Variants in BRAP observed in about 807,000 individuals in gnomAD.
BRAP encodes BRCA1 associated protein.
BRAP carries 42 observed loss-of-function variants against 73.4 expected under a neutral mutation model. The ratio of observed to expected loss-of-function variants is 0.57; its 90% CI spans 0.45 to 0.74. The LOEUF (loss-of-function observed/expected upper bound fraction) is 0.74. BRAP is among the 30% of genes least tolerant of loss of function. The pLI is 0.00. For synonymous variants in BRAP, 255 were observed against 267.4 expected (o/e 0.95, Z 0.45); for missense variants, 593 against 751.4 (o/e 0.79, Z 2.46).
intron 6 of BRAP, among the ~76,000 whole-genome samples, chr12:111,663,443 A>T (rs1324329260): frequency 1.3e-5 from 2 of 152,120 alleles, no homozygotes; most frequent in African/African-American, 2.4e-5. Flanking sequence ...ACAGAGTGAG[A>T]CTCCATCTCA....
chr12:111,675,123 T>C (rs1488420615), intron 4 of BRAP, among the ~76,000 whole-genome samples: 4 of 151,852 alleles, frequency 2.6e-5, no homozygotes, highest in Non-Finnish European at 5.9e-5. Flanking sequence ...TAGCCGGGCA[T>C]GGGGGTGGAA....
intron 3 of BRAP, among the ~76,000 whole-genome samples, chr12:111,679,601 C>G (rs1243203937): frequency 6.6e-6 from 1 of 151,852 alleles, no homozygotes; most frequent in African/African-American, 2.4e-5. Flanking sequence ...GGTGGCCAGG[C>G]ACAGTAGCTC....
At chr12:111,663,717 C>A (rs1053807162) in intron 6 of BRAP, among the ~76,000 whole-genome samples, 2 of 152,172 alleles carry the variant, frequency 1.3e-5, no homozygotes, top group Admixed American at 6.6e-5. Flanking sequence ...TTAGACCAAA[C>A]CACCCCAAAG....
At chr12:111,677,209 G>C (rs567704541) in intron 4 of BRAP, among the ~76,000 whole-genome samples, 1 of 152,174 alleles carries the variant, frequency 6.6e-6, no homozygotes, top group Admixed American at 6.5e-5. Flanking sequence ...GGATTTATAC[G>C]ACTTCAGACT....
intron 5 of BRAP, among the ~76,000 whole-genome samples, chr12:111,666,873 G>T (rs2135914956): frequency 6.6e-6 from 1 of 152,300 alleles, no homozygotes; most frequent in African/African-American, 2.4e-5. Context: ...CTCTAAAACT[G>T]AGGCCTCGTG....
intron 10 of BRAP, among the ~76,000 whole-genome samples, chr12:111,653,103 G>A (rs1886389645): frequency 6.6e-6 from 1 of 152,158 alleles, no homozygotes; most frequent in Non-Finnish European, 1.5e-5. Flanking sequence ...TGAGGTGGGA[G>A]GATCGCTTGA....
At position 111,667,622 on chromosome 12, in the gene BRAP, C is replaced by G. The variant is rs1320771763; in HGVS notation, c.748-1835G>C. Among the ~76,000 whole-genome samples the G allele has an allele frequency of 2.8e-5, 4 of 143,232 alleles. No individual in the cohort carries two copies. The East Asian group carries it at 9.3e-4, about 33-fold the overall frequency. The allele number at this position is 143,232 out of a possible 152,430, so 94.0% of individuals were successfully genotyped here. On this transcript the variant is annotated intron_variant, in intron 5 of 11. Transcript: ENST00000419234. ...GGATGAGGCAGAGAATTTCTTGAAC[C>G]CAGGAGGTAGAGGATGCAGTGAGCT...
chr12:111,647,099 G>A (rs543659136), intron 11 of BRAP, among the ~76,000 whole-genome samples: 33 of 152,192 alleles, frequency 2.2e-4, no homozygotes, highest in Admixed American at 7.9e-4. Flanking sequence ...GCAAGACCCC[G>A]TCTCTACAAA....
Position 111,664,730 on chromosome 12 carries a change from G to A in BRAP, c.896+909C>T, listed in dbSNP as rs138350036. ...CCGGCCACCAGGCCACTTGTGGGTG[G>A]ACAGAGATTCCTGTAGACTTTCACC... On this transcript the variant is annotated intron_variant, in intron 6 of 11. Coordinates refer to ENST00000419234, the MANE Select transcript of BRAP (RefSeq NM_006768.5). 5.0e-3 allele frequency among the ~76,000 whole-genome samples: 754 copies of A among 152,322 alleles called. 5 individuals are homozygous for A. The highest frequency in any genetic ancestry group is 0.015 in the South Asian group (73 of 4,826).
In BRAP at chr12:111,665,775, G is replaced by A; in HGVS notation, c.760C>T (p.Pro254Ser). 1 of 1,614,182 alleles carries A rather than the reference G, an allele frequency of 6.2e-7. No homozygotes were observed. Among genetic ancestry groups the A allele is most frequent in the Non-Finnish European group, 8.5e-7 (1 of 1,180,030 alleles). ...GGGAGTTCAGTCAGGTCCATCACTG[G>A]GAGGCTGGCGCCCTACAGGAAACAC... ...VLKSEDGASL[P>S]VMDLTELPKC... The change falls in exon 6 of 12, where the codon CCA (proline) becomes TCA (serine). Residue 254 changes from proline to serine, a missense_variant. By Grantham distance (74) the Pro-to-Ser change is moderately conservative. Transcript: ENST00000419234. This position sits in a 1 kb window ranked among gnomAD's most constrained non-coding sequence, Gnocchi z 4.3.
chr12:111,643,947 G>C lies in BRAP; in HGVS notation c.*252C>G. On this transcript the variant is annotated 3_prime_UTR_variant, in exon 12 of 12. Coordinates refer to ENST00000419234, the MANE Select transcript of BRAP (RefSeq NM_006768.5). ...GTTGGGGCTTCTACCAAGCAGGAAG[G>C]CAAAATGGTCATTAGAATGTGAGGT... 1 of 493,860 alleles carries C rather than the reference G, an allele frequency of 2.0e-6. No homozygotes were observed. The allele number at this position is 493,860 out of a possible 1,614,324, so 30.6% of individuals were successfully genotyped here.
chr12:111,644,176 AG>A lies in BRAP; in HGVS notation c.*22del. 1 of 1,598,168 alleles carries A rather than the reference AG, an allele frequency of 6.3e-7. No homozygotes were observed. The highest frequency in any genetic ancestry group is 1.1e-5 in the South Asian group (1 of 90,260). On this transcript the variant is annotated 3_prime_UTR_variant, in exon 12 of 12. Transcript: ENST00000419234. ...TCACAGTGTCAGGGAGAACAGTCTC[AG>A]GGATGTCTGTTGCTCTGAAGGTCAC...
At position 111,681,953 on chromosome 12, in the gene BRAP, T is replaced by C. The variant is rs1402947145; in HGVS notation, c.245-118A>G. ...CTTTGATAGAGTAATTACAATGTAA[T>C]GCATTAACAGCTATTATTTGTAGAA... On this transcript the variant is annotated intron_variant, in intron 2 of 11. Transcript: ENST00000419234. 1.2e-5 allele frequency: 11 copies of C among 913,186 alleles called. No homozygotes were observed. In the South Asian group the frequency reaches 1.5e-4, roughly 13 times the overall value. 56.6% of individuals were successfully genotyped at this position (913,186 alleles called of 1,614,324 possible).
chr12:111,653,705 C>T (rs1592971868), intron 10 of BRAP, among the ~76,000 whole-genome samples: 2 of 152,264 alleles, frequency 1.3e-5, no homozygotes, highest in South Asian at 4.1e-4. Context: ...ACCCAGGGTC[C>T]GGGTTACTGT....
intron 5 of BRAP, among the ~76,000 whole-genome samples, chr12:111,668,081 C>T (rs1887026205): frequency 6.6e-6 from 1 of 152,100 alleles, no homozygotes; most frequent in African/African-American, 2.4e-5. Flanking sequence ...GTGGTGCATA[C>T]CTGTAATCCC....
rs1447319288 is a variant in BRAP, at chr12:111,665,088, G to GT, written c.896+550dup. ...GGAGCAACCATCCTGGATTTAGGGG[G>GT]TAAAAAAAAGGTACAGGCCTTACCT... On this transcript the variant is annotated intron_variant, in intron 6 of 11. Coordinates refer to ENST00000419234, the MANE Select transcript of BRAP (RefSeq NM_006768.5). The surrounding 1 kb of genome is among the most constrained non-coding windows in gnomAD (Gnocchi z 4.3). Among the ~76,000 whole-genome samples the GT allele has an allele frequency of 1.3e-5, 2 of 152,030 alleles. No homozygotes were observed. The highest frequency in any genetic ancestry group is 6.6e-5 in the Admixed American group (1 of 15,256).
intron 9 of BRAP, among the ~76,000 whole-genome samples, chr12:111,657,536 C>T (rs1308172854): frequency 6.6e-6 from 1 of 152,146 alleles, no homozygotes; most frequent in African/African-American, 2.4e-5. Context: ...TCCACTTCCT[C>T]CTAAGGTTAA....
chr12:111,684,040 T>C (rs1887700470), intron 1 of BRAP, among the ~76,000 whole-genome samples: 2 of 152,202 alleles, frequency 1.3e-5, no homozygotes, highest in South Asian at 2.1e-4. Flanking sequence ...TCCTGGCTTA[T>C]GCTCATGCCA....
intron 6 of BRAP, among the ~76,000 whole-genome samples, chr12:111,664,400 G>A (rs1886862252): frequency 6.6e-6 from 1 of 152,164 alleles, no homozygotes; most frequent in South Asian, 2.1e-4. Flanking sequence ...ATAGCAGATG[G>A]ACTGAAGATA....
Sources: gnomAD v4.1 joint callset for allele counts (sites outside exome capture counted in the v4.1 genomes callset) on GRCh38, gnomAD v4.1.1 for gene constraint, Gnocchi (gnomAD v3.1) non-coding constraint, MANE v1.5 for transcripts, NCBI Gene and HGNC (gene_info 2026-07-23, HGNC 2026-07-21) for gene names.